The following BICRAL variants were observed in gnomAD, a reference collection of about 807,000 sequenced individuals.
The protein encoded by BICRAL is BRD4-interacting chromatin-remodeling complex-associated protein-like.
BICRAL carries 8 observed loss-of-function variants against 91.8 expected under a neutral mutation model. The ratio of observed to expected loss-of-function variants is 0.09; its 90% CI spans 0.05 to 0.16. The LOEUF (loss-of-function observed/expected upper bound fraction) is 0.16. BICRAL is among the 10% of genes least tolerant of loss of function. BICRAL has a pLI of 1.00. For missense variants in BICRAL, 1,038 were observed against 1,310.9 expected (o/e 0.79, Z 3.21); for synonymous variants, 445 against 491.1 (o/e 0.91, Z 1.24).
At chr6:42,845,348 C>T (rs1323675698) in intron 6 of BICRAL, among the ~76,000 whole-genome samples, 1 of 150,562 alleles carries the variant, frequency 6.6e-6, no homozygotes, top group African/African-American at 2.4e-5. Flanking sequence ...CCTGTCTCAG[C>T]CTCCGGAGGG....
At chr6:42,808,352 A>C (rs1763768363) in intron 1 of BICRAL, among the ~76,000 whole-genome samples, 1 of 152,032 alleles carries the variant, frequency 6.6e-6, no homozygotes, top group Admixed American at 6.6e-5. Flanking sequence ...GCTGGTCTCG[A>C]ACTCCCGACC....
intron 6 of BICRAL, among the ~76,000 whole-genome samples, chr6:42,832,433 TTA>T (rs978041067): frequency 2.0e-5 from 3 of 147,456 alleles, no homozygotes; most frequent in South Asian, 2.1e-4. Flanking sequence ...TATTATGTAT[TTA>T]TATATATATT....
At chr6:42,826,944 C>A (rs1764324841) in intron 5 of BICRAL, among the ~76,000 whole-genome samples, 1 of 152,138 alleles carries the variant, frequency 6.6e-6, no homozygotes, top group South Asian at 2.1e-4. Flanking sequence ...GCGCCACCAC[C>A]CCCAGCTAAT....
intron 1 of BICRAL, among the ~76,000 whole-genome samples, chr6:42,758,251 C>G (rs919080964): frequency 1.3e-5 from 2 of 152,180 alleles, no homozygotes; most frequent in East Asian, 3.9e-4. Context: ...TATACCGTAG[C>G]CAGTTATTGC....
chr6:42,812,851 A>G (rs1022387382), intron 2 of BICRAL, among the ~76,000 whole-genome samples: 10 of 152,130 alleles, frequency 6.6e-5, no homozygotes, highest in South Asian at 2.1e-4. Flanking sequence ...CCTGGACAAC[A>G]TAGTAAAACC....
chr6:42,838,976 G>A (rs1393134188), intron 6 of BICRAL, among the ~76,000 whole-genome samples: 3 of 150,236 alleles, frequency 2.0e-5, no homozygotes, highest in Non-Finnish European at 4.4e-5. Flanking sequence ...AATAAATAAC[G>A]GATTACCTAG....
intron 1 of BICRAL, among the ~76,000 whole-genome samples, chr6:42,786,523 A>G (rs961710813): frequency 6.6e-6 from 1 of 152,218 alleles, no homozygotes; most frequent in African/African-American, 2.4e-5. Flanking sequence ...TAGCTTCTTT[A>G]ACCTTGTTGG....
chr6:42,859,835 T>C (rs889335004), intron 10 of BICRAL, among the ~76,000 whole-genome samples: 4 of 151,800 alleles, frequency 2.6e-5, no homozygotes, highest in Non-Finnish European at 5.9e-5. Context: ...TTAGTAGAGA[T>C]GGGGTTTCAC....
intron 1 of BICRAL, among the ~76,000 whole-genome samples, chr6:42,775,700 C>G (rs113394088): frequency 5.2e-4 from 79 of 152,220 alleles, no homozygotes; most frequent in African/African-American, 1.8e-3. Flanking sequence ...GTATTAATTC[C>G]TTATCCTTGT....
chr6:42,806,513 A>ATT (rs758423036), intron 1 of BICRAL, among the ~76,000 whole-genome samples: 36 of 140,210 alleles, frequency 2.6e-4, no homozygotes, highest in African/African-American at 1.8e-4. Flanking sequence ...CACCCAGCTA[A>ATT]TTTTTTTTTT....
chr6:42,844,378 G>A (rs1399513382), intron 6 of BICRAL, among the ~76,000 whole-genome samples: 13 of 150,650 alleles, frequency 8.6e-5, no homozygotes, highest in Non-Finnish European at 1.5e-4. Context: ...GAGTGGTGGC[G>A]GGCACCTGTA....
At chr6:42,751,230 C>G (rs1007480300) in intron 1 of BICRAL, among the ~76,000 whole-genome samples, 1 of 151,888 alleles carries the variant, frequency 6.6e-6, no homozygotes, top group Non-Finnish European at 1.5e-5. Flanking sequence ...ACCCCAAGGT[C>G]CTGGCAGCAT....
chr6:42,807,079 C>T (rs1763729528), intron 1 of BICRAL, among the ~76,000 whole-genome samples: 1 of 152,238 alleles, frequency 6.6e-6, no homozygotes, highest in Non-Finnish European at 1.5e-5. Context: ...GATCCACCCG[C>T]CTCGGCCTCC....
At chr6:42,864,002 A>G (rs995083591) in intron 12 of BICRAL, among the ~76,000 whole-genome samples, 2 of 152,078 alleles carry the variant, frequency 1.3e-5, no homozygotes, top group African/African-American at 4.8e-5. Flanking sequence ...TGCCTCTACT[A>G]AAAATACAAA....
Position 42,793,762 on chromosome 6 carries a change from C to CTTT in BICRAL, c.-102+11683_-102+11685dup, listed in dbSNP as rs70990140. Among the ~76,000 whole-genome samples, 97 of 99,202 alleles carry CTTT rather than the reference C, an allele frequency of 9.8e-4. 1 individual carries two copies. Among genetic ancestry groups the CTTT allele is most frequent in the Non-Finnish European group, 1.1e-3 (57 of 50,006 alleles). 65.1% of individuals were successfully genotyped at this position (99,202 alleles called of 152,430 possible). A position where few individuals can be genotyped will look rare whatever the true frequency, so the allele number is the denominator to read the frequency against. On this transcript the variant is annotated intron_variant, in intron 1 of 12. Transcript: ENST00000314073. ...CTTCTATGCGTAGGCCTCAAGATGA[C>CTTT]TTTTTTTTTTTTTTTTTTTTTTTTG... is the stretch of plus-strand genomic sequence containing the variant.
rs551389099 is a variant in BICRAL, at chr6:42,753,675, G to A, written c.-261+6652G>A. 3.9e-5 allele frequency among the ~76,000 whole-genome samples: 6 copies of A among 151,900 alleles called. 1 individual carries two copies. In the South Asian group the frequency reaches 1.0e-3, roughly 26 times the overall value. The stretch of plus-strand genomic sequence containing the variant: ...CACCAAGGCTGGAGTGCGGTGGCAC[G>A]ACCTTGGCTCAGTGCAACCCCCGCC... On this transcript the variant is annotated intron_variant, in intron 1 of 14. Coordinates refer to the BICRAL transcript ENST00000614467.
At chr6:42,834,323 G>A (rs1209086155) in intron 6 of BICRAL, among the ~76,000 whole-genome samples, 1 of 152,124 alleles carries the variant, frequency 6.6e-6, no homozygotes, top group African/African-American at 2.4e-5. Context: ...TGTCCTTCAG[G>A]TTTCTCCACT....
chr6:42,765,485 C>T (rs764593338), intron 1 of BICRAL, among the ~76,000 whole-genome samples: 25 of 152,218 alleles, frequency 1.6e-4, no homozygotes, highest in Admixed American at 1.5e-3. Context: ...GCCACGCCCC[C>T]TGCTCCATGT....
Position 42,867,098 on chromosome 6 carries a change from T to C in BICRAL, c.*1652T>C, listed in dbSNP as rs910753587. ...CTTTAATGTGTTGCCAGAATCTGCT[T>C]CTGGCTGTCGCCAACATGGGGATGA... On this transcript the variant is annotated 3_prime_UTR_variant, in exon 13 of 13. Coordinates refer to ENST00000314073, the MANE Select transcript of BICRAL (RefSeq NM_001393499.1). 3.3e-5 allele frequency: 9 copies of C among 274,750 alleles called. No homozygotes were observed. Among genetic ancestry groups the C allele is most frequent in the Non-Finnish European group, 5.9e-5 (8 of 136,578 alleles). 17.0% of individuals were successfully genotyped at this position (274,750 alleles called of 1,614,324 possible). A position where few individuals can be genotyped will look rare whatever the true frequency, so the allele number is the denominator to read the frequency against.
Sources: allele counts gnomAD v4.1 joint callset (sites outside exome capture counted in the v4.1 genomes callset), GRCh38; gene constraint gnomAD v4.1.1; transcripts MANE v1.5; gene names NCBI Gene and HGNC (gene_info 2026-07-23, HGNC 2026-07-21).